FCHO2: variants seen among roughly 807,000 people sequenced by gnomAD.
FCHO2 encodes FCH and mu domain containing endocytic adaptor 2, also known as F-BAR domain only protein 2.
A neutral mutation model predicts 114.1 loss-of-function variants in FCHO2; 43 were observed. The ratio of observed to expected loss-of-function variants is 0.38; its 90% confidence interval spans 0.30 to 0.49. The LOEUF (loss-of-function observed/expected upper bound fraction) is 0.49. FCHO2 is among the 20% of genes least tolerant of loss of function. FCHO2 has a pLI of 0.97. For synonymous variants in FCHO2, 293 were observed against 315.2 expected (o/e 0.93, Z 0.75); for missense variants, 807 against 950.4 (o/e 0.85, Z 1.98).
chr5:72,971,539 G>C (rs1752553509), intron 2 of FCHO2, among the ~76,000 whole-genome samples: 2 of 152,136 alleles, frequency 1.3e-5, no homozygotes, highest in African/African-American at 4.8e-5. Flanking sequence ...CCCACTTTTG[G>C]ATGGGGTTGT....
chr5:73,061,066 A>G (rs1757830149), intron 17 of FCHO2, among the ~76,000 whole-genome samples: 1 of 151,420 alleles, frequency 6.6e-6, no homozygotes, highest in Non-Finnish European at 1.5e-5. Context: ...GTTTTTAAAT[A>G]TTAACTCGAA....
chr5:73,077,484 T>C lies in FCHO2; in HGVS notation c.1838T>C (p.Leu613Pro), dbSNP rs752853836. The C allele has an allele frequency of 6.3e-7, 1 of 1,597,856 alleles. No homozygotes were observed. The highest frequency in any genetic ancestry group is 8.5e-7 in the Non-Finnish European group (1 of 1,171,914). The change falls in exon 21 of 26, where the codon CTT (leucine) becomes CCT (proline). Residue 613 changes from leucine (L) to proline (P), a missense_variant. Leu to Pro is a moderately conservative substitution (Grantham distance 98, BLOSUM62 -3). Coordinates refer to ENST00000430046, the MANE Select transcript of FCHO2 (RefSeq NM_138782.3). ...GAGCAGATTCTTCCAAATGCACAGC[T>C]TGTGTTCAGGTTTGTGTACTTTTTG... ...RLEQILPNAQ[L>P]VFSDPSQCDS... is the part of the protein sequence containing the mutation.
At chr5:73,023,513 C>T (rs926980677) in intron 8 of FCHO2, among the ~76,000 whole-genome samples, 2 of 151,960 alleles carry the variant, frequency 1.3e-5, no homozygotes, top group Non-Finnish European at 2.9e-5. Context: ...ACCAGCCTGA[C>T]CAACATAGTG....
intron 8 of FCHO2, among the ~76,000 whole-genome samples, chr5:73,026,038 G>C (rs1220716376): frequency 6.6e-6 from 1 of 152,210 alleles, no homozygotes; most frequent in Non-Finnish European, 1.5e-5. Context: ...GCTCACGCCT[G>C]TAATCCCAGC....
Position 73,081,856 on chromosome 5 carries a change from A to G in FCHO2, c.2054A>G (p.Asp685Gly), listed in dbSNP as rs1743104487. The G allele has an allele frequency of 3.7e-6, 6 of 1,612,436 alleles. No individual in the cohort carries two copies. Among genetic ancestry groups the G allele is most frequent in the Non-Finnish European group, 5.1e-6 (6 of 1,179,050 alleles). The change falls in exon 23 of 26, where the codon GAT becomes GGT. Residue 685 changes from aspartate (D) to glycine (G), a missense_variant. Coordinates refer to ENST00000430046, the MANE Select transcript of FCHO2 (RefSeq NM_138782.3). ...TYWKCSASTT[D>G]LRVDYKYNPE... is the part of the protein sequence containing the mutation. ...TGGAAATGTAGTGCTAGCACCACAG[A>G]TCTTAGAGTGGATTATAAATACAAT...
At chr5:72,980,498 C>T (rs1284729779) in intron 2 of FCHO2, among the ~76,000 whole-genome samples, 1 of 152,060 alleles carries the variant, frequency 6.6e-6, no homozygotes, top group Non-Finnish European at 1.5e-5. Context: ...TCCTGAATAT[C>T]TTTGTTAATT....
intron 2 of FCHO2, among the ~76,000 whole-genome samples, chr5:72,977,758 C>A (rs763439398): frequency 2.6e-5 from 4 of 152,106 alleles, no homozygotes; most frequent in Non-Finnish European, 5.9e-5. Context: ...TTAGGTCTTA[C>A]GTTGAAGTGT....
In FCHO2 at chr5:73,081,894, G is replaced by A. The variant is rs1580212186; in HGVS notation, c.2092G>A (p.Val698Met). ...VDYKYNPEAM[V>M]APSVLSNIQV... Reference sequence around the variant, plus strand: ...TTATAAATACAATCCAGAAGCTATGGTGGCACCTAGTGTGCTTTCCAACAT... The same window carrying A: ...TTATAAATACAATCCAGAAGCTATGATGGCACCTAGTGTGCTTTCCAACAT... The change falls in exon 23 of 26, where the codon GTG (valine) becomes ATG (methionine). Residue 698 changes from valine to methionine, a missense_variant. Transcript: ENST00000430046. The A allele has an allele frequency of 6.2e-7, 1 of 1,612,424 alleles. No homozygotes were observed. Among genetic ancestry groups the A allele is most frequent in the East Asian group, 2.2e-5 (1 of 44,754 alleles).
intron 15 of FCHO2, among the ~76,000 whole-genome samples, chr5:73,055,712 T>C (rs1485194827): frequency 6.6e-6 from 1 of 152,220 alleles, no homozygotes; most frequent in Admixed American, 6.5e-5. Flanking sequence ...AATGCATTCA[T>C]GATTCATCAG....
chr5:73,070,569 T>G (rs1476454486), intron 19 of FCHO2, among the ~76,000 whole-genome samples: 2 of 151,778 alleles, frequency 1.3e-5, no homozygotes, highest in Admixed American at 6.6e-5. Context: ...CTTTAGGTTT[T>G]TTTTTTTTTT....
At position 73,073,728 on chromosome 5, in the gene FCHO2, G is replaced by A. The variant is rs1742780308; in HGVS notation, c.1580-1014G>A. 3.3e-5 allele frequency among the ~76,000 whole-genome samples: 5 copies of A among 152,118 alleles called. No individual in the cohort carries two copies. In the South Asian group the frequency reaches 1.0e-3, roughly 32 times the overall value. On this transcript the variant is annotated intron_variant, in intron 19 of 25. Coordinates refer to ENST00000430046, the MANE Select transcript of FCHO2 (RefSeq NM_138782.3). ...AATTAATATTTACGGTATCTCAGAG[G>A]TAATTCATTGTTTCACTACAGGAGT... is the stretch of plus-strand genomic sequence containing the variant.
At chr5:73,013,206 A>G (rs1356810758) in intron 6 of FCHO2, among the ~76,000 whole-genome samples, 1 of 151,726 alleles carries the variant, frequency 6.6e-6, no homozygotes. Flanking sequence ...AATCAAATTG[A>G]TTCAAGTTTT....
chr5:73,059,616 G>T (rs1253202636), intron 17 of FCHO2, among the ~76,000 whole-genome samples: 3 of 151,972 alleles, frequency 2.0e-5, no homozygotes, highest in Non-Finnish European at 4.4e-5. Context: ...ATTTTTAAAA[G>T]ATACTATAAG....
At chr5:73,030,370 G>C (rs1756173640) in intron 8 of FCHO2, among the ~76,000 whole-genome samples, 1 of 152,084 alleles carries the variant, frequency 6.6e-6, no homozygotes, top group East Asian at 1.9e-4. Flanking sequence ...GTCCAGGGTG[G>C]ATACCACTAT....
At chr5:73,084,766 G>GC (rs1166844541) in intron 24 of FCHO2, among the ~76,000 whole-genome samples, 3 of 152,286 alleles carry the variant, frequency 2.0e-5, no homozygotes, top group Admixed American at 6.5e-5. Flanking sequence ...TTACTGGAGA[G>GC]CCATACATTG....
chr5:73,046,680 GT>G (rs1561475546), intron 11 of FCHO2, among the ~76,000 whole-genome samples: 1 of 152,164 alleles, frequency 6.6e-6, no homozygotes. Flanking sequence ...TATTTTTAAA[GT>G]ATTTTAAAGT....
intron 17 of FCHO2, among the ~76,000 whole-genome samples, chr5:73,061,007 C>CAAAAA (rs202006082): frequency 7.7e-6 from 1 of 129,468 alleles, no homozygotes. Flanking sequence ...CTTGTGCTCA[C>CAAAAA]AAAAAAAAAA....
At chr5:73,078,005 T>G (rs957210814) in intron 21 of FCHO2, among the ~76,000 whole-genome samples, 175 bp from the exon 22 acceptor site, 1 of 152,212 alleles carries the variant, frequency 6.6e-6, no homozygotes, top group Non-Finnish European at 1.5e-5. Context: ...TCTCTCCATC[T>G]TATCTTTCAA....
chr5:73,043,337 T>C (rs760825804), intron 11 of FCHO2, among the ~76,000 whole-genome samples: 2 of 152,136 alleles, frequency 1.3e-5, no homozygotes, highest in Admixed American at 6.5e-5. Context: ...TGTGAGTTCA[T>C]TTTTGACCAT....
Sources: allele counts gnomAD v4.1 joint callset (sites outside exome capture counted in the v4.1 genomes callset), GRCh38; gene constraint gnomAD v4.1.1; transcripts MANE v1.5; gene names NCBI Gene and HGNC (gene_info 2026-07-23, HGNC 2026-07-21).